The following CACNA1D variants were observed in gnomAD, a reference collection of about 807,000 sequenced individuals.
CACNA1D encodes calcium voltage-gated channel subunit alpha1 D, also known as voltage-dependent L-type calcium channel subunit alpha-1D.
In CACNA1D, 55 loss-of-function variants were observed where a neutral mutation model predicts 257.1. That is an observed-to-expected ratio of 0.21 (90% CI 0.17 to 0.27). The LOEUF (loss-of-function observed/expected upper bound fraction) is 0.27, where lower values mean the gene tolerates loss of function less well. Among genes scored for constraint, CACNA1D ranks in the 10% least tolerant of loss-of-function variants. The pLI, the probability that CACNA1D is intolerant of heterozygous loss-of-function variation, is 1.00. For missense variants in CACNA1D, 1,876 were observed against 2,784.0 expected, an observed-to-expected ratio of 0.67 and a Z score of 7.34; for synonymous variants, 980 against 1,014.9, an observed-to-expected ratio of 0.97 and a Z score of 0.65.
chr3:53,597,813 T>C (rs1230705304), intron 3 of CACNA1D, among the ~76,000 whole-genome samples: 2 of 152,196 alleles, frequency 1.3e-5, no homozygotes, highest in Non-Finnish European at 2.9e-5. Flanking sequence ...TTGCTTTTGC[T>C]GCAGCTGAGG....
chr3:53,531,056 T>A (rs2091934902), intron 3 of CACNA1D, among the ~76,000 whole-genome samples: 1 of 148,464 alleles, frequency 6.7e-6, no homozygotes, highest in South Asian at 2.1e-4. Context: ...AGGGTCTCAG[T>A]ATGTTGCTTA....
In CACNA1D at chr3:53,789,074, C is replaced by T. The variant is rs1024168725; in HGVS notation, c.4923+2122C>T. The stretch of plus-strand genomic sequence containing the variant: ...GGGTCAAATGGCATGAATGATACAG[C>T]GGCAGGTTGTGGGTTAAAAGACTCT... On this transcript the variant is annotated intron_variant, in intron 40 of 47. Transcript: ENST00000350061. The surrounding 1 kb of genome is among the most constrained non-coding windows in gnomAD (Gnocchi z 4.2). Among the ~76,000 whole-genome samples, 4 of 152,154 alleles carry T rather than the reference C, an allele frequency of 2.6e-5. No individual in the cohort carries two copies. The highest frequency in any genetic ancestry group is 2.9e-5 in the Non-Finnish European group (2 of 68,026).
chr3:53,590,785 G>A (rs2093292615), intron 3 of CACNA1D, among the ~76,000 whole-genome samples: 1 of 152,190 alleles, frequency 6.6e-6, no homozygotes, highest in African/African-American at 2.4e-5. Flanking sequence ...TCCTGGCATT[G>A]CCGAGAGGAT....
intron 39 of CACNA1D, among the ~76,000 whole-genome samples, chr3:53,783,544 G>A (rs867220583): frequency 6.6e-6 from 1 of 152,206 alleles, no homozygotes; most frequent in Admixed American, 6.5e-5. Flanking sequence ...GAGAAGTGGG[G>A]CCTTAGGAGG....
At chr3:53,564,907 T>C (rs1462093324) in intron 3 of CACNA1D, among the ~76,000 whole-genome samples, 1 of 152,244 alleles carries the variant, frequency 6.6e-6, no homozygotes, top group African/African-American at 2.4e-5. Context: ...GATATTCTTA[T>C]ATGTCCTCTG....
At chr3:53,686,481 A>C (rs926347806) in intron 8 of CACNA1D, among the ~76,000 whole-genome samples, 1 of 152,102 alleles carries the variant, frequency 6.6e-6, no homozygotes, top group African/African-American at 2.4e-5. Flanking sequence ...GAAAGGAATA[A>C]TATCTCATGG....
chr3:53,785,480 T>G (rs1344181765), intron 39 of CACNA1D: 2 of 152,220 alleles, frequency 1.3e-5, no homozygotes, highest in Non-Finnish European at 2.9e-5. Flanking sequence ...CACAAGATGT[T>G]GGCAGCACCT....
chr3:53,620,266 TAGAACCCAGTTC>T (rs1055070814), intron 3 of CACNA1D, among the ~76,000 whole-genome samples: 16 of 152,104 alleles, frequency 1.1e-4, no homozygotes, highest in Non-Finnish European at 1.5e-5. Flanking sequence ...TTTCTACCGT[TAGAACCCAGTTC>T]TCGTCCATCT....
At chr3:53,498,221 G>A (rs1231799876) in intron 2 of CACNA1D, among the ~76,000 whole-genome samples, 2 of 152,176 alleles carry the variant, frequency 1.3e-5, no homozygotes, top group Admixed American at 6.5e-5. Flanking sequence ...GGAATTTGCA[G>A]TTGCTGCCTT....
chr3:53,555,460 G>GTT (rs372133749), intron 3 of CACNA1D, among the ~76,000 whole-genome samples: 1,820 of 78,276 alleles, frequency 0.023, 110 homozygotes, highest in African/African-American at 0.076. Context: ...GTGTGTGTGT[G>GTT]TTTTTTTTTT....
chr3:53,638,557 G>C (rs2093912691), intron 3 of CACNA1D, among the ~76,000 whole-genome samples: 2 of 152,218 alleles, frequency 1.3e-5, no homozygotes, highest in African/African-American at 4.8e-5. Flanking sequence ...GCCACACGAA[G>C]ACACTGGCTC....
intron 9 of CACNA1D, chr3:53,710,247 G>A (rs2094736515): frequency 2.6e-6 from 1 of 379,010 alleles, no homozygotes; most frequent in South Asian, 1.9e-5. Context: ...ATGCTGAGCT[G>A]GATTCCTAGC....
chr3:53,591,343 C>G (rs568792766), intron 3 of CACNA1D, among the ~76,000 whole-genome samples: 4 of 152,204 alleles, frequency 2.6e-5, no homozygotes, highest in Non-Finnish European at 4.4e-5. Flanking sequence ...ACCTCCGCCT[C>G]CTGGGTTCAA....
At chr3:53,667,985 T>C (rs1351104988) in intron 7 of CACNA1D, among the ~76,000 whole-genome samples, 1 of 152,196 alleles carries the variant, frequency 6.6e-6, no homozygotes, top group Non-Finnish European at 1.5e-5. Flanking sequence ...GGTGAAGCAT[T>C]CATTTTTGCT....
chr3:53,731,284 A>ATTC, intron 17 of CACNA1D, 138 bp downstream of exon 17: 2 of 687,116 alleles, frequency 2.9e-6, no homozygotes, highest in Non-Finnish European at 5.2e-6. Context: ...GGCACACCAT[A>ATTC]TAGACCCTGG....
At chr3:53,718,570 TCCCCACCCCCC>T in intron 10 of CACNA1D, 182 bp downstream of exon 10, 5 of 717,960 alleles carry the variant, frequency 7.0e-6, no homozygotes, top group Non-Finnish European at 9.8e-6. Context: ...CCTGCACACC[TCCCCACCCCCC>T]GCCCCCCCGC....
At chr3:53,715,289 A>G (rs983860488) in intron 9 of CACNA1D, among the ~76,000 whole-genome samples, 1 of 152,030 alleles carries the variant, frequency 6.6e-6, no homozygotes, top group Non-Finnish European at 1.5e-5. Flanking sequence ...GGATATATTT[A>G]TTTATTATGT....
chr3:53,651,366 C>CTTTTTTTGTTTTT (rs2094091893), intron 4 of CACNA1D, among the ~76,000 whole-genome samples: 1 of 81,836 alleles, frequency 1.2e-5, no homozygotes, highest in Non-Finnish European at 2.3e-5. Flanking sequence ...TATTAATTTT[C>CTTTTTTTGTTTTT]TTTTTTTTTT....
At chr3:53,715,111 G>T (rs1333024534) in intron 9 of CACNA1D, among the ~76,000 whole-genome samples, 1 of 152,134 alleles carries the variant, frequency 6.6e-6, no homozygotes, top group Non-Finnish European at 1.5e-5. Flanking sequence ...GGCTGGAGAA[G>T]GTAGGCTGCC....
Sources: gnomAD v4.1 joint callset for allele counts (sites outside exome capture counted in the v4.1 genomes callset) on GRCh38, gnomAD v4.1.1 for gene constraint, Gnocchi (gnomAD v3.1) non-coding constraint, MANE v1.5 for transcripts, NCBI Gene and HGNC (gene_info 2026-07-23, HGNC 2026-07-21) for gene names.